STX2: variants seen among roughly 807,000 people sequenced by gnomAD.
STX2 encodes the protein syntaxin 2, also known as syntaxin-2.
In STX2, 27 loss-of-function variants were observed where a neutral mutation model predicts 40.6. The observed-to-expected ratio is 0.66, with a 90% CI of 0.49 to 0.92. The LOEUF (loss-of-function observed/expected upper bound fraction) is 0.92, where lower values mean the gene tolerates loss of function less well. Among genes scored for constraint, STX2 ranks in the 40% least tolerant of loss-of-function variants. The probability of loss-of-function intolerance (pLI) is 0.00; values close to 1 mark genes in which losing one functional copy is unlikely to be tolerated. For missense variants in STX2, 328 were observed against 366.1 expected, an observed-to-expected ratio of 0.90 and a Z score of 0.85; for synonymous variants, 123 against 119.1, an observed-to-expected ratio of 1.03 and a Z score of -0.22.
intron 1 of STX2, among the ~76,000 whole-genome samples, chr12:130,838,344 C>A (rs191355908): frequency 5.3e-5 from 8 of 152,346 alleles, no homozygotes; most frequent in Middle Eastern, 3.4e-3. Context: ...CGAAATCCTT[C>A]CAAAATTTTT....
intron 5 of STX2, among the ~76,000 whole-genome samples, chr12:130,807,457 C>T (rs913756493): frequency 1.9e-4 from 28 of 147,600 alleles, no homozygotes; most frequent in African/African-American, 6.5e-4. Context: ...CCCAGGCAAG[C>T]GGACCCCAGA....
At chr12:130,797,332 C>T (rs1362637614) in intron 9 of STX2, among the ~76,000 whole-genome samples, 1 of 152,226 alleles carries the variant, frequency 6.6e-6, no homozygotes, top group Non-Finnish European at 1.5e-5. Flanking sequence ...GCACTTTATA[C>T]AGGTATCTCT....
At chr12:130,814,434 G>A (rs1005298297) in intron 3 of STX2, among the ~76,000 whole-genome samples, 3 of 151,974 alleles carry the variant, frequency 2.0e-5, no homozygotes, top group African/African-American at 7.3e-5. Flanking sequence ...TTCCATTCCA[G>A]GCAGAAGAAG....
intron 10 of STX2, among the ~76,000 whole-genome samples, chr12:130,793,261 C>T (rs545217903): frequency 7.9e-5 from 12 of 152,162 alleles, no homozygotes; most frequent in African/African-American, 2.2e-4. Context: ...GTTAACATCA[C>T]GCACATTTCC....
intron 1 of STX2, among the ~76,000 whole-genome samples, chr12:130,834,249 T>C (rs187518441): frequency 3.3e-4 from 49 of 149,140 alleles, no homozygotes; most frequent in African/African-American, 1.1e-3. Context: ...CTGGGTGTCA[T>C]GGGAGGCTGA....
At chr12:130,798,413 TATTA>T (rs963383127) in intron 9 of STX2, 108 bp downstream of exon 9, 10 of 592,152 alleles carry the variant, frequency 1.7e-5, no homozygotes, top group Non-Finnish European at 1.6e-5. Context: ...ATAAAACATT[TATTA>T]ATTAATTATT....
intron 2 of STX2, among the ~76,000 whole-genome samples, chr12:130,824,488 C>T (rs191681715): frequency 2.0e-5 from 3 of 152,178 alleles, no homozygotes; most frequent in Admixed American, 6.5e-5. Context: ...CAATATACAC[C>T]GCTGCTAACT....
intron 1 of STX2, among the ~76,000 whole-genome samples, chr12:130,835,581 T>A (rs1952731135): frequency 6.6e-6 from 1 of 152,196 alleles, no homozygotes; most frequent in Non-Finnish European, 1.5e-5. Context: ...CTATTCCATT[T>A]TGCTTACGTC....
intron 4 of STX2, among the ~76,000 whole-genome samples, chr12:130,809,068 T>C (rs1951548050): frequency 6.6e-6 from 1 of 152,226 alleles, no homozygotes. Flanking sequence ...GATTTTGCCA[T>C]GTTGCCCAGG....
chr12:130,827,227 T>G lies in STX2; in HGVS notation c.71A>C (p.Glu24Ala). ...NDDGDTVVVVEKDHFMDDFFH... is the reference protein window; with the variant it reads ...NDDGDTVVVVAKDHFMDDFFH... The stretch of plus-strand genomic sequence containing the variant: ...GAAATCATCCATGAAATGATCTTTC[T>G]CAACCACAACAACTGTGTCTCCATC... The change falls in exon 2 of 11, where the codon GAG becomes GCG. Residue 24 changes from glutamate to alanine, a missense_variant. Glu to Ala is a moderately radical substitution (Grantham distance 107). Coordinates refer to ENST00000392373, the MANE Select transcript of STX2 (RefSeq NM_194356.4). 1 of 1,613,936 alleles carries G rather than the reference T, an allele frequency of 6.2e-7. No individual in the cohort carries two copies. The highest frequency in any genetic ancestry group is 2.2e-5 in the East Asian group (1 of 44,852).
At chr12:130,834,110 G>C (rs1952674286) in intron 1 of STX2, among the ~76,000 whole-genome samples, 1 of 152,174 alleles carries the variant, frequency 6.6e-6, no homozygotes, top group Non-Finnish European at 1.5e-5. Flanking sequence ...AAGGCTACAT[G>C]TGGTGGCTCA....
At chr12:130,796,572 C>T (rs756557862) in intron 9 of STX2, among the ~76,000 whole-genome samples, 16 of 152,184 alleles carry the variant, frequency 1.1e-4, no homozygotes, top group Admixed American at 2.6e-4. Flanking sequence ...TACTGTTGGG[C>T]GACTTCTTGA....
At position 130,798,615 on chromosome 12, in the gene STX2, T is replaced by C. The variant is rs768896089; in HGVS notation, c.696A>G (p.Ile232Met). The C allele has an allele frequency of 1.9e-6, 3 of 1,596,404 alleles. No individual in the cohort carries two copies. The African/African-American group carries it at 4.1e-5, about 22-fold the overall frequency. The change falls in exon 9 of 11, where the codon ATA (isoleucine) becomes ATG (methionine). Residue 232 changes from isoleucine (I) to methionine (M), a missense_variant. Transcript: ENST00000392373. ...VETQGEMINN[I>M]ERNVMNATDY... ...CTGTGGCATTCATAACATTTCTTTC[T>C]ATGTTGTTGATCATTTCACCCTTAA...
intron 6 of STX2, among the ~76,000 whole-genome samples, chr12:130,805,606 C>T (rs1258655740): frequency 6.6e-6 from 1 of 152,154 alleles, no homozygotes; most frequent in African/African-American, 2.4e-5. Context: ...AGGTTCACGG[C>T]CATCAGAGCA....
intron 1 of STX2, among the ~76,000 whole-genome samples, chr12:130,837,396 C>T (rs1441214275): frequency 1.3e-5 from 2 of 152,096 alleles, no homozygotes; most frequent in Non-Finnish European, 2.9e-5. Flanking sequence ...TGGATTCAAG[C>T]GATGCTCCTG....
chr12:130,810,438 T>A (rs895266088), intron 4 of STX2, among the ~76,000 whole-genome samples: 1 of 152,194 alleles, frequency 6.6e-6, no homozygotes, highest in Non-Finnish European at 1.5e-5. Flanking sequence ...TGTATAGCAA[T>A]ACATTCCCCA....
At position 130,791,798 on chromosome 12, in the gene STX2, C is replaced by T. The variant is rs1028864526; in HGVS notation, c.*225G>A. The T allele has an allele frequency of 1.1e-5, 12 of 1,044,126 alleles. No individual in the cohort carries two copies. Among genetic ancestry groups the T allele is most frequent in the Admixed American group, 3.9e-5 (2 of 50,956 alleles). 64.7% of individuals were successfully genotyped at this position (1,044,126 alleles called of 1,614,324 possible). ...ACATTACAAGGTCAGCACTCGATGCCGGGTTACAGCGTCTGAGATTCATTC... is the reference window on the plus strand; with the variant it reads ...ACATTACAAGGTCAGCACTCGATGCTGGGTTACAGCGTCTGAGATTCATTC... On this transcript the variant is annotated 3_prime_UTR_variant, in exon 11 of 11. Coordinates refer to ENST00000392373, the MANE Select transcript of STX2 (RefSeq NM_194356.4).
At position 130,818,185 on chromosome 12, in the gene STX2, AATATATAT is replaced by A. The variant is rs1168152790; in HGVS notation, c.205+3496_205+3503del. ...GCTGTTTCTACAAAAAAAAAAAAAA[AATATATAT>A]ATATATATATATATATATATATATA... On this transcript the variant is annotated intron_variant, in intron 3 of 10. Transcript: ENST00000392373. Among the ~76,000 whole-genome samples, 243 of 70,520 alleles carry A rather than the reference AATATATAT, an allele frequency of 3.4e-3. 4 individuals are homozygous for A. Among genetic ancestry groups the A allele is most frequent in the Middle Eastern group, 0.017 (2 of 118 alleles). The allele number at this position is 70,520 out of a possible 152,430, so 46.3% of individuals were successfully genotyped here.
At chr12:130,830,490 C>T (rs549645996) in intron 1 of STX2, among the ~76,000 whole-genome samples, 4 of 152,316 alleles carry the variant, frequency 2.6e-5, no homozygotes, top group East Asian at 1.9e-4. Context: ...CCAAGTCATT[C>T]GCTTGCTGGT....
Sources: allele counts gnomAD v4.1 joint callset (sites outside exome capture counted in the v4.1 genomes callset), GRCh38; gene constraint gnomAD v4.1.1; transcripts MANE v1.5; gene names NCBI Gene and HGNC (gene_info 2026-07-23, HGNC 2026-07-21).